The following DOCK3 variants were observed in gnomAD, a reference collection of about 807,000 sequenced individuals.
DOCK3 encodes dedicator of cytokinesis 3.
In DOCK3, 60 loss-of-function variants were observed where a neutral mutation model predicts 265.6. The ratio of observed to expected loss-of-function variants is 0.23; its 90% CI spans 0.18 to 0.28. The LOEUF is 0.28. DOCK3 is among the 10% of genes least tolerant of loss of function. DOCK3 has a pLI of 1.00. For synonymous variants in DOCK3, 881 were observed against 938.0 expected (o/e 0.94, Z 1.11); for missense variants, 1,981 against 2,594.3 (o/e 0.76, Z 5.14).
At chr3:50,942,479 G>A (rs1374725669) in intron 5 of DOCK3, among the ~76,000 whole-genome samples, 2 of 151,928 alleles carry the variant, frequency 1.3e-5, no homozygotes, top group Non-Finnish European at 2.9e-5. Context: ...ATTATTGGCA[G>A]TGTTAACTAA....
intron 3 of DOCK3, among the ~76,000 whole-genome samples, chr3:50,872,245 TA>T (rs926264802): frequency 4.6e-5 from 7 of 152,262 alleles, no homozygotes; most frequent in African/African-American, 1.4e-4. Flanking sequence ...GTGTCTGCTT[TA>T]GGGGGGACCC....
intron 27 of DOCK3, among the ~76,000 whole-genome samples, chr3:51,283,408 A>G (rs745934687): frequency 3.3e-5 from 5 of 152,208 alleles, no homozygotes; most frequent in Non-Finnish European, 7.4e-5. Flanking sequence ...GGAAATTTGT[A>G]TCTCTAGATC....
intron 32 of DOCK3, among the ~76,000 whole-genome samples, chr3:51,315,357 A>G (rs2083307120): frequency 6.6e-6 from 1 of 152,200 alleles, no homozygotes; most frequent in South Asian, 2.1e-4. Context: ...GAACATCACT[A>G]TAACTTTCTG....
chr3:51,249,621 G>A (rs1339862938), intron 22 of DOCK3, among the ~76,000 whole-genome samples: 5 of 98,580 alleles, frequency 5.1e-5, no homozygotes, highest in African/African-American at 2.0e-4. Context: ...CCCCCCGCCC[G>A]GCCAGCCGTC....
intron 32 of DOCK3, among the ~76,000 whole-genome samples, chr3:51,321,381 C>G (rs1363766909): frequency 6.6e-6 from 1 of 152,136 alleles, no homozygotes; most frequent in Non-Finnish European, 1.5e-5. Context: ...GAAAACACTG[C>G]AAAAAGGATG....
At chr3:51,085,370 T>C (rs2082382457) in intron 7 of DOCK3, among the ~76,000 whole-genome samples, 1 of 152,168 alleles carries the variant, frequency 6.6e-6, no homozygotes, top group Non-Finnish European at 1.5e-5. Context: ...AGAGCACATA[T>C]TTTTCTCATC....
At position 50,787,675 on chromosome 3, in the gene DOCK3, G is replaced by T. The variant is rs1438111707; in HGVS notation, c.121+8917G>T. On this transcript the variant is annotated intron_variant, in intron 2 of 52. Coordinates refer to ENST00000266037, the MANE Select transcript of DOCK3 (RefSeq NM_004947.5). The stretch of plus-strand genomic sequence containing the variant: ...GCAACCTCTTGTAGTTCTGGGAGTA[G>T]GGGAAGTGGTAGCTGCAGCAACAGA... The T allele has an allele frequency of 8.4e-6, 11 of 1,303,956 alleles. No homozygotes were observed. The East Asian group carries it at 2.4e-4, about 28-fold the overall frequency. 80.8% of individuals were successfully genotyped at this position (1,303,956 alleles called of 1,614,324 possible). A position where few individuals can be genotyped will look rare whatever the true frequency, so the allele number is the denominator to read the frequency against.
intron 38 of DOCK3, among the ~76,000 whole-genome samples, chr3:51,347,090 G>T (rs543620696): frequency 2.0e-5 from 3 of 152,268 alleles, no homozygotes; most frequent in African/African-American, 7.2e-5. Context: ...TCTGTAGGTT[G>T]CCTGTTCACT....
At chr3:51,299,364 A>G (rs2082262339) in intron 27 of DOCK3, among the ~76,000 whole-genome samples, 1 of 151,848 alleles carries the variant, frequency 6.6e-6, no homozygotes, top group Non-Finnish European at 1.5e-5. Flanking sequence ...CATTCTATAG[A>G]TTATCTGTTT....
intron 4 of DOCK3, chr3:50,898,521 C>G (rs1431250332): frequency 6.6e-6 from 1 of 152,464 alleles, no homozygotes; most frequent in African/African-American, 2.4e-5. Context: ...CTTCTGCTAG[C>G]TTTTGAATTT....
chr3:51,321,013 C>G (rs2083690185), intron 32 of DOCK3, among the ~76,000 whole-genome samples: 1 of 152,168 alleles, frequency 6.6e-6, no homozygotes, highest in African/African-American at 2.4e-5. Flanking sequence ...GGTCCCTGAC[C>G]CCCATGTCTC....
At chr3:51,370,286 A>C (rs934404496) in intron 49 of DOCK3, among the ~76,000 whole-genome samples, 1 of 152,180 alleles carries the variant, frequency 6.6e-6, no homozygotes, top group Admixed American at 6.5e-5. Context: ...CCCTAACCTA[A>C]AGCGTCTCTA....
intron 3 of DOCK3, among the ~76,000 whole-genome samples, chr3:50,889,460 GTT>G (rs566025782): frequency 1.4e-5 from 2 of 140,000 alleles, no homozygotes; most frequent in African/African-American, 2.6e-5. Flanking sequence ...AACTGATGTG[GTT>G]TTTTTTTTTT....
chr3:50,734,170 C>CA (rs2038411431), intron 1 of DOCK3, among the ~76,000 whole-genome samples: 1 of 152,154 alleles, frequency 6.6e-6, no homozygotes, highest in Admixed American at 6.6e-5. Context: ...TTCAAAGCAA[C>CA]ATGTTACACA....
chr3:50,922,623 C>T (rs1274891704), intron 4 of DOCK3, among the ~76,000 whole-genome samples: 2 of 152,232 alleles, frequency 1.3e-5, no homozygotes, highest in Non-Finnish European at 2.9e-5. Context: ...GCGTTGCTCA[C>T]GCTGGGAGCT....
chr3:50,794,380 G>A lies in DOCK3; in HGVS notation c.121+15622G>A, dbSNP rs144144992. 5.6e-3 allele frequency among the ~76,000 whole-genome samples: 857 copies of A among 152,222 alleles called. 9 individuals are homozygous for A. Among genetic ancestry groups the A allele is most frequent in the South Asian group, 0.039 (187 of 4,816 alleles). ...TGTGGGAGTCTGTGTCTCTTTGTAGGTCTCTAAGAACTTGCTTTATGAATC... is the reference window on the plus strand; with the variant it reads ...TGTGGGAGTCTGTGTCTCTTTGTAGATCTCTAAGAACTTGCTTTATGAATC... On this transcript the variant is annotated intron_variant, in intron 2 of 52. Transcript: ENST00000266037.
chr3:51,011,377 T>A (rs939240690), intron 5 of DOCK3, among the ~76,000 whole-genome samples: 4 of 152,252 alleles, frequency 2.6e-5, no homozygotes, highest in Admixed American at 1.3e-4. Flanking sequence ...ATTCATTTGA[T>A]CTTCAGTCAC....
chr3:51,049,518 A>G (rs1407326118), intron 5 of DOCK3, among the ~76,000 whole-genome samples: 1 of 152,018 alleles, frequency 6.6e-6, no homozygotes, highest in Non-Finnish European at 1.5e-5. Context: ...CGAGGGTACT[A>G]AATAAACTGT....
At chr3:51,326,788 AT>A (rs967341062) in intron 32 of DOCK3, among the ~76,000 whole-genome samples, 9 of 150,394 alleles carry the variant, frequency 6.0e-5, no homozygotes, top group Non-Finnish European at 1.3e-4. Context: ...TGCCCAGCTA[AT>A]TTTTTTTGTA....
Sources: gnomAD v4.1 joint callset for allele counts (sites outside exome capture counted in the v4.1 genomes callset) on GRCh38, gnomAD v4.1.1 for gene constraint, MANE v1.5 for transcripts, NCBI Gene and HGNC (gene_info 2026-07-23, HGNC 2026-07-21) for gene names.